The following LOXHD1 variants were observed in gnomAD, a reference collection of about 807,000 sequenced individuals.
LOXHD1 encodes the protein lipoxygenase homology domain-containing protein 1.
Under a neutral mutation model 248.2 loss-of-function variants are expected in LOXHD1, and 205 were observed. The observed-to-expected ratio is 0.83, with a 90% CI of 0.74 to 0.93. The LOEUF (loss-of-function observed/expected upper bound fraction) is 0.93, where lower values mean the gene tolerates loss of function less well. Ranked by LOEUF, LOXHD1 falls within the 40% of genes least tolerant of loss-of-function variation. The pLI is 0.00. For synonymous variants in LOXHD1, 1,113 were observed against 1,162.8 expected (o/e 0.96, Z 0.87); for missense variants, 2,930 against 2,971.6 (o/e 0.99, Z 0.33).
intron 36 of LOXHD1, among the ~76,000 whole-genome samples, chr18:46,507,007 G>A (rs2034616218): frequency 6.6e-6 from 1 of 152,210 alleles, no homozygotes; most frequent in South Asian, 2.1e-4. Context: ...TGGGTGCCCT[G>A]TCTGCCTGGC....
At chr18:46,481,945 A>T (rs1403105397) in intron 40 of LOXHD1, among the ~76,000 whole-genome samples, 2 of 151,974 alleles carry the variant, frequency 1.3e-5, no homozygotes, top group Non-Finnish European at 2.9e-5. Flanking sequence ...TGTTTTGTTT[A>T]TTTTGGGAGG....
At chr18:46,554,067 T>C (rs988490286) in intron 21 of LOXHD1, among the ~76,000 whole-genome samples, 2 of 152,038 alleles carry the variant, frequency 1.3e-5, no homozygotes, top group Non-Finnish European at 2.9e-5. Context: ...TTCTGCAGGA[T>C]TTGGAGCAGA....
At position 46,507,850 on chromosome 18, in the gene LOXHD1, C is replaced by T. The variant is rs545671424; in HGVS notation, c.5518-138G>A. 2.5e-4 allele frequency: 224 copies of T among 883,388 alleles called. 1 individual carries two copies. In the Middle Eastern group the frequency reaches 4.9e-3, roughly 19 times the overall value. The allele number at this position is 883,388 out of a possible 1,614,324, so 54.7% of individuals were successfully genotyped here. A position where few individuals can be genotyped will look rare whatever the true frequency, so the allele number is the denominator to read the frequency against. The stretch of plus-strand genomic sequence containing the variant: ...GACAAGCGCTTGCGACTGAGACCCA[C>T]GGGGTGTGGAAAGGGCCCTTTCCAG... On this transcript the variant is annotated intron_variant, in intron 35 of 40. Coordinates refer to ENST00000642948, the MANE Select transcript of LOXHD1 (RefSeq NM_001384474.1).
chr18:46,613,410 T>C (rs1035463147), intron 5 of LOXHD1, among the ~76,000 whole-genome samples: 1 of 152,170 alleles, frequency 6.6e-6, no homozygotes, highest in African/African-American at 2.4e-5. Context: ...TGTAATCTTA[T>C]ATCCAGCAAC....
Position 46,591,997 on chromosome 18 carries a change from C to T in LOXHD1, c.1590G>A (p.Glu530=), listed in dbSNP as rs1292319373. 3 of 1,552,062 alleles carry T rather than the reference C, an allele frequency of 1.9e-6. No individual in the cohort carries two copies. Among genetic ancestry groups the T allele is most frequent in the East Asian group, 4.9e-5 (2 of 40,934 alleles). Reference sequence around the variant, plus strand: ...TTTCCCTCACTATCTCATTGTCATCCTCATTGGCATCCAGCCAGCGGTTGC... The same window carrying T: ...TTTCCCTCACTATCTCATTGTCATCTTCATTGGCATCCAGCCAGCGGTTGC... ...FNCNRWLDAN[E]DDNEIVREMT... is the part of the protein sequence containing the mutation. The change falls in exon 12 of 41, where the codon GAG becomes GAA. Residue 530 remains glutamate, a synonymous_variant. Coordinates refer to ENST00000642948, the MANE Select transcript of LOXHD1 (RefSeq NM_001384474.1).
chr18:46,645,654 T>C (rs911015103), intron 2 of LOXHD1, among the ~76,000 whole-genome samples: 1 of 151,954 alleles, frequency 6.6e-6, no homozygotes, highest in Non-Finnish European at 1.5e-5. Flanking sequence ...AGAGGTTCAC[T>C]AATGGGGGAA....
At chr18:46,569,909 C>T (rs946500499) in intron 15 of LOXHD1, among the ~76,000 whole-genome samples, 15 of 152,150 alleles carry the variant, frequency 9.9e-5, no homozygotes, top group Non-Finnish European at 1.0e-4. Context: ...AGCAGGAAAG[C>T]GTGTAAATCA....
intron 4 of LOXHD1, among the ~76,000 whole-genome samples, chr18:46,622,670 T>C (rs541597037): frequency 2.0e-5 from 3 of 152,336 alleles, no homozygotes; most frequent in South Asian, 2.1e-4. Flanking sequence ...GCTCTGAAGA[T>C]TGGGGAAGGA....
chr18:46,584,166 G>A (rs75423393), intron 12 of LOXHD1, among the ~76,000 whole-genome samples: 5,592 of 152,090 alleles, frequency 0.037, 116 homozygotes, highest in Middle Eastern at 0.065. Context: ...GAGATAAGTC[G>A]ATGTCATAGA....
chr18:46,610,456 A>G (rs1233726104), intron 6 of LOXHD1, among the ~76,000 whole-genome samples: 12 of 150,836 alleles, frequency 8.0e-5, no homozygotes, highest in East Asian at 2.0e-4. Context: ...TGTAAATGAC[A>G]AGTTGATGGG....
chr18:46,566,326 C>T lies in LOXHD1; in HGVS notation c.2368G>A (p.Asp790Asn), dbSNP rs2037640034. 1 of 1,551,894 alleles carries T rather than the reference C, an allele frequency of 6.4e-7. No individual in the cohort carries two copies. Among genetic ancestry groups the T allele is most frequent in the Non-Finnish European group, 8.7e-7 (1 of 1,147,026 alleles). The change falls in exon 17 of 41, where the codon GAC (aspartate) becomes AAC (asparagine). Residue 790 changes from aspartate to asparagine, a missense_variant. Physicochemically the swap from Asp to Asn is conservative, Grantham distance 23. Coordinates refer to ENST00000642948, the MANE Select transcript of LOXHD1 (RefSeq NM_001384474.1). ...AGGCGCCCGTCAGCCTGGTTCTTGTCCAGCCAGCGGTTGGCGGGAAAGGTG... is the reference window on the plus strand; with the variant it reads ...AGGCGCCCGTCAGCCTGGTTCTTGTTCAGCCAGCGGTTGGCGGGAAAGGTG... ...QYTFPANRWLDKNQADGRLEV... is the reference protein window; with the variant it reads ...QYTFPANRWLNKNQADGRLEV...
chr18:46,478,009 T>G, intron 40 of LOXHD1, 57 bp from the exon 41 acceptor site: 6 of 1,505,920 alleles, frequency 4.0e-6, no homozygotes, highest in Non-Finnish European at 5.3e-6. Context: ...CAGCCGAGGC[T>G]GCTCCCTCCC....
intron 4 of LOXHD1, among the ~76,000 whole-genome samples, chr18:46,626,693 G>A (rs2038747170): frequency 6.6e-6 from 1 of 152,152 alleles, no homozygotes; most frequent in Admixed American, 6.5e-5. Flanking sequence ...TAAAGAATGG[G>A]AAGGAAATTC....
intron 26 of LOXHD1, among the ~76,000 whole-genome samples, chr18:46,536,154 T>C (rs1006029823): frequency 8.5e-5 from 13 of 152,200 alleles, no homozygotes; most frequent in Admixed American, 7.2e-4. Context: ...GTCTTGGAAA[T>C]GTTATAAAGA....
intron 20 of LOXHD1, among the ~76,000 whole-genome samples, chr18:46,558,726 T>G (rs1029419385): frequency 3.3e-5 from 5 of 152,178 alleles, no homozygotes; most frequent in African/African-American, 1.2e-4. Context: ...CAGGGGATAT[T>G]ATAAAATCTT....
At chr18:46,479,775 A>C (rs897597149) in intron 40 of LOXHD1, among the ~76,000 whole-genome samples, 8 of 151,036 alleles carry the variant, frequency 5.3e-5, no homozygotes, top group East Asian at 2.0e-4. Flanking sequence ...AAAAAAAAAA[A>C]ACAAAAAAAA....
intron 34 of LOXHD1, among the ~76,000 whole-genome samples, chr18:46,510,978 A>G (rs542317036): frequency 2.4e-4 from 37 of 152,224 alleles, no homozygotes; most frequent in Non-Finnish European, 5.3e-4. Flanking sequence ...TCTTGCCAGG[A>G]GCATGATTTT....
intron 29 of LOXHD1, 120 bp from the exon 30 acceptor site, chr18:46,525,037 C>G (rs11660036): frequency 2.3e-5 from 27 of 1,165,314 alleles, no homozygotes; most frequent in Non-Finnish European, 3.0e-5. Context: ...ACCTTCTTTG[C>G]TGGGGAGCCC....
chr18:46,531,490 C>T (rs565392071), intron 28 of LOXHD1, among the ~76,000 whole-genome samples: 1 of 152,238 alleles, frequency 6.6e-6, no homozygotes, highest in East Asian at 1.9e-4. Context: ...TGGCATGGGC[C>T]TATAGGGACA....
Sources: allele counts gnomAD v4.1 joint callset (sites outside exome capture counted in the v4.1 genomes callset), GRCh38; gene constraint gnomAD v4.1.1; transcripts MANE v1.5; gene names NCBI Gene and HGNC (gene_info 2026-07-23, HGNC 2026-07-21).